The following PCLO variants were observed in gnomAD, a reference collection of about 807,000 sequenced individuals.
PCLO encodes protein piccolo.
A neutral mutation model predicts 427.5 loss-of-function variants in PCLO; 82 were observed. The observed-to-expected ratio is 0.19, with a 90% CI of 0.16 to 0.23. The LOEUF (loss-of-function observed/expected upper bound fraction) is 0.23, where lower values mean the gene tolerates loss of function less well. Among genes scored for constraint, PCLO ranks in the 10% least tolerant of loss-of-function variants. The pLI, the probability that PCLO is intolerant of heterozygous loss-of-function variation, is 1.00. For synonymous variants in PCLO, 2,357 were observed against 2,155.4 expected, an observed-to-expected ratio of 1.09 and a Z score of -2.59; for missense variants, 6,239 against 6,115.9, an observed-to-expected ratio of 1.02 and a Z score of -0.67.
intron 8 of PCLO, among the ~76,000 whole-genome samples, chr7:82,904,789 G>T (rs1794144732): frequency 6.6e-6 from 1 of 151,902 alleles, no homozygotes; most frequent in African/African-American, 2.4e-5. Flanking sequence ...ATAGTAGAAG[G>T]AATGTTGAAC....
Position 82,954,832 on chromosome 7 carries a change from C to T in PCLO, c.6121G>A (p.Glu2041Lys). Residue 2041 changes from glutamate (E) to lysine (K), a missense_variant, in exon 5 of 25, where the codon GAG (glutamate) becomes AAG (lysine). Glu to Lys is a moderately conservative substitution (Grantham distance 56). This residue lies in a region of PCLO where 4,677 missense variants were observed against 4,468.4 expected (regional missense o/e 1.05). Coordinates refer to ENST00000333891, the MANE Select transcript of PCLO (RefSeq NM_033026.6). Reference sequence around the variant, plus strand: ...ACCATAGTACCCAGGTCCACTATCTCATGGCTTTCTGGGATGATAAAAGAG... The same window carrying T: ...ACCATAGTACCCAGGTCCACTATCTTATGGCTTTCTGGGATGATAAAAGAG... ...SSSFIIPESH[E>K]IVDLGTMVTS... 1 of 1,613,818 alleles carries T rather than the reference C, an allele frequency of 6.2e-7. No homozygotes were observed. The highest frequency in any genetic ancestry group is 8.5e-7 in the Non-Finnish European group (1 of 1,179,800).
At chr7:83,003,373 C>T (rs571428125) in intron 3 of PCLO, among the ~76,000 whole-genome samples, 1 of 151,732 alleles carries the variant, frequency 6.6e-6, no homozygotes, top group African/African-American at 2.4e-5. Context: ...GCATACTCAA[C>T]AAATATTTAA....
In PCLO at chr7:82,760,733, A is replaced by T. The variant is rs1456342855; in HGVS notation, c.15194T>A (p.Ile5065Asn). The change falls in exon 24 of 25, where the codon ATC becomes AAC. Residue 5065 changes from isoleucine (I) to asparagine (N), a missense_variant. Ile to Asn is a moderately radical substitution (Grantham distance 149). Coordinates refer to ENST00000333891, the MANE Select transcript of PCLO (RefSeq NM_033026.6). The part of the protein sequence containing the change: ...VMNISTQKKV[I>N]KKKTRVCRHD... Reference sequence around the variant, plus strand: ...TCTGCATACTCTTGTTTTTTTCTTGATCACCTTTTTTTGGGTAGAAATATT... The same window carrying T: ...TCTGCATACTCTTGTTTTTTTCTTGTTCACCTTTTTTTGGGTAGAAATATT... 6.4e-7 allele frequency: 1 copy of T among 1,561,826 alleles called. No homozygotes were observed. Among genetic ancestry groups the T allele is most frequent in the African/African-American group, 1.4e-5 (1 of 73,558 alleles).
chr7:83,117,941 A>C (rs886472271), intron 3 of PCLO, among the ~76,000 whole-genome samples: 11 of 152,210 alleles, frequency 7.2e-5, no homozygotes, highest in African/African-American at 2.4e-4. Flanking sequence ...GTCTAATAAA[A>C]ATAGTAAGGT....
intron 23 of PCLO, among the ~76,000 whole-genome samples, chr7:82,761,043 G>A (rs73708923): frequency 0.015 from 2,162 of 145,282 alleles, 56 homozygotes; most frequent in African/African-American, 0.051. Context: ...AAACTCCTGG[G>A]CTCAAGTGAT....
At chr7:82,802,629 A>C (rs893896867) in intron 21 of PCLO, among the ~76,000 whole-genome samples, 9 of 152,202 alleles carry the variant, frequency 5.9e-5, no homozygotes, top group African/African-American at 2.2e-4. Flanking sequence ...TTGTTACAGA[A>C]AGATGCTTGA....
chr7:82,784,888 A>T (rs954534773), intron 22 of PCLO, among the ~76,000 whole-genome samples: 9 of 152,164 alleles, frequency 5.9e-5, no homozygotes, highest in African/African-American at 2.2e-4. Context: ...GTTGCATGGT[A>T]TTCCATTACC....
chr7:83,143,939 G>T (rs1584082567), intron 2 of PCLO, among the ~76,000 whole-genome samples: 1 of 152,140 alleles, frequency 6.6e-6, no homozygotes, highest in Admixed American at 6.5e-5. Flanking sequence ...TATCTGAATA[G>T]TTTATTGCAT....
chr7:83,025,197 A>G (rs1788459703), intron 3 of PCLO, among the ~76,000 whole-genome samples: 1 of 152,138 alleles, frequency 6.6e-6, no homozygotes, highest in South Asian at 2.1e-4. Flanking sequence ...AAGAAGTTGA[A>G]AACTTTGAAA....
At chr7:83,121,436 T>G (rs1472343907) in intron 3 of PCLO, among the ~76,000 whole-genome samples, 1 of 151,774 alleles carries the variant, frequency 6.6e-6, no homozygotes, top group African/African-American at 2.4e-5. Context: ...AAAATCACTT[T>G]TACACCTAAG....
intron 14 of PCLO, among the ~76,000 whole-genome samples, chr7:82,839,617 A>G (rs1184515075): frequency 6.6e-6 from 1 of 152,078 alleles, no homozygotes; most frequent in Non-Finnish European, 1.5e-5. Context: ...AAGGAGAAAC[A>G]CTTCCCCATT....
intron 3 of PCLO, among the ~76,000 whole-genome samples, chr7:83,068,589 T>C (rs538858294): frequency 7.9e-5 from 12 of 152,286 alleles, no homozygotes; most frequent in African/African-American, 2.9e-4. Flanking sequence ...AGATATCATT[T>C]CATACCTGTT....
At chr7:82,921,710 GA>G (rs1794599228) in intron 6 of PCLO, among the ~76,000 whole-genome samples, 1 of 151,810 alleles carries the variant, frequency 6.6e-6, no homozygotes. Context: ...TGAAGACTCT[GA>G]AAGCAATTGC....
At chr7:83,133,417 T>C (rs532190053) in intron 3 of PCLO, among the ~76,000 whole-genome samples, 22 of 152,164 alleles carry the variant, frequency 1.4e-4, no homozygotes, top group African/African-American at 5.1e-4. Context: ...CCCTCTAGTC[T>C]CCCATGATTT....
At position 83,096,735 on chromosome 7, in the gene PCLO, C is replaced by A. The variant is rs936687411; in HGVS notation, c.3300+37515G>T. Among the ~76,000 whole-genome samples, 3 of 80,360 alleles carry A rather than the reference C, an allele frequency of 3.7e-5. No individual in the cohort carries two copies. In the East Asian group the frequency reaches 1.4e-3, roughly 39 times the overall value. 52.7% of individuals were successfully genotyped at this position (80,360 alleles called of 152,430 possible). Reference sequence around the variant, plus strand: ...ATAAACCTAAATGGAAAGCTCCAATCTTTTTTATTATATAAATTATATAAA... The same window carrying A: ...ATAAACCTAAATGGAAAGCTCCAATATTTTTTATTATATAAATTATATAAA... On this transcript the variant is annotated intron_variant, in intron 3 of 24. Transcript: ENST00000333891.
chr7:83,013,031 C>G (rs1318501887), intron 3 of PCLO, among the ~76,000 whole-genome samples: 1 of 152,122 alleles, frequency 6.6e-6, no homozygotes, highest in Non-Finnish European at 1.5e-5. Flanking sequence ...CCACACTGCA[C>G]GCCTCCTTGC....
intron 3 of PCLO, among the ~76,000 whole-genome samples, chr7:83,009,390 T>C (rs957157555): frequency 1.3e-5 from 2 of 151,864 alleles, no homozygotes; most frequent in African/African-American, 4.8e-5. Flanking sequence ...CTTTGTGATT[T>C]GTGAGCAAGT....
At chr7:82,958,204 T>A (rs1291092201) in intron 4 of PCLO, among the ~76,000 whole-genome samples, 1 of 152,122 alleles carries the variant, frequency 6.6e-6, no homozygotes, top group Non-Finnish European at 1.5e-5. Flanking sequence ...ATTTTCAGTG[T>A]GTGTTGGCAT....
intron 3 of PCLO, among the ~76,000 whole-genome samples, chr7:83,023,992 C>T (rs1788411976): frequency 6.6e-6 from 1 of 152,190 alleles, no homozygotes; most frequent in African/African-American, 2.4e-5. Context: ...CTCATCTTAA[C>T]CATTCTTTCA....
Sources: gnomAD v4.1 joint callset for allele counts (sites outside exome capture counted in the v4.1 genomes callset) on GRCh38, gnomAD v4.1.1 for gene constraint, gnomAD v4.1.1 regional missense constraint, MANE v1.5 for transcripts, NCBI Gene and HGNC (gene_info 2026-07-23, HGNC 2026-07-21) for gene names.